Variants in ASAP1 observed in about 807,000 individuals in gnomAD.
ASAP1 encodes arf-GAP with SH3 domain, ANK repeat and PH domain-containing protein 1.
Under a neutral mutation model 145.2 loss-of-function variants are expected in ASAP1, and 43 were observed. The observed-to-expected ratio is 0.30, with a 90% CI of 0.23 to 0.38. The LOEUF is 0.38. Ranked by LOEUF, ASAP1 falls within the 10% of genes least tolerant of loss-of-function variation. ASAP1 has a pLI of 1.00. For missense variants in ASAP1, 1,018 were observed against 1,355.3 expected, an observed-to-expected ratio of 0.75 and a Z score of 3.91; for synonymous variants, 546 against 515.5, an observed-to-expected ratio of 1.06 and a Z score of -0.80.
intron 23 of ASAP1, among the ~76,000 whole-genome samples, chr8:130,113,964 T>C (rs1367329118): frequency 1.3e-5 from 2 of 152,016 alleles, no homozygotes; most frequent in Non-Finnish European, 2.9e-5. Flanking sequence ...GTATTTTTTG[T>C]AGAGAGAGGG....
chr8:130,265,570 CT>C, intron 3 of ASAP1, among the ~76,000 whole-genome samples: 2 of 124,804 alleles, frequency 1.6e-5, no homozygotes, highest in African/African-American at 3.1e-5. Flanking sequence ...GAAACCCTGT[CT>C]TTAAAAAAAA....
chr8:130,283,225 T>C (rs1821357493), intron 3 of ASAP1, among the ~76,000 whole-genome samples: 1 of 152,108 alleles, frequency 6.6e-6, no homozygotes, highest in South Asian at 2.1e-4. Context: ...GAGCATGGCA[T>C]CTGGACTTAG....
intron 2 of ASAP1, among the ~76,000 whole-genome samples, chr8:130,365,879 G>A (rs1016366796): frequency 6.6e-6 from 1 of 152,168 alleles, no homozygotes; most frequent in African/African-American, 2.4e-5. Flanking sequence ...GAGAAATGGA[G>A]AGATCCAGAA....
rs533131055 is a variant in ASAP1 at position 130,100,677 on chromosome 8, A to G, written c.2402-8534T>C. ...TCTGTTCAGATCCTTTGCCCATTTT[A>G]AAATCACATTATCATTATTATTTTG... On this transcript the variant is annotated intron_variant, in intron 24 of 29. Coordinates refer to ENST00000518721, the MANE Select transcript of ASAP1 (RefSeq NM_018482.4). Among the ~76,000 whole-genome samples the G allele has an allele frequency of 2.3e-3, 351 of 152,238 alleles. 1 individual carries two copies. Among genetic ancestry groups the G allele is most frequent in the African/African-American group, 8.3e-3 (345 of 41,534 alleles).
At chr8:130,196,968 G>A (rs761055936) in intron 5 of ASAP1, among the ~76,000 whole-genome samples, 8 of 152,312 alleles carry the variant, frequency 5.3e-5, no homozygotes, top group South Asian at 2.1e-4. Context: ...CTGATGCCTC[G>A]TCATTAGGCT....
chr8:130,281,798 G>A (rs1821264225), intron 3 of ASAP1, among the ~76,000 whole-genome samples: 1 of 152,188 alleles, frequency 6.6e-6, no homozygotes, highest in African/African-American at 2.4e-5. Context: ...TGGGCGCGGT[G>A]GCTCACGCCT....
chr8:130,403,292 G>GTT (rs992999127), intron 1 of ASAP1, among the ~76,000 whole-genome samples: 3 of 129,634 alleles, frequency 2.3e-5, no homozygotes, highest in Admixed American at 2.2e-4. Flanking sequence ...TTTAACAAGT[G>GTT]TTTTTTTTTA....
chr8:130,072,824 T>TGTGTGTGTGTGTGTGTGCGCGCGCGCGC lies in ASAP1; in HGVS notation c.2701+3523_2701+3524insGCGCGCGCGCGCACACACACACACACAC. Among the ~76,000 whole-genome samples the TGTGTGTGTGTGTGTGTGCGCGCGCGCGC allele has an allele frequency of 2.9e-3, 95 of 32,272 alleles. 1 individual carries two copies. The highest frequency in any genetic ancestry group is 5.1e-3 in the South Asian group (3 of 588). 21.2% of individuals were successfully genotyped at this position (32,272 alleles called of 152,430 possible). ...GTGTGTGTGTGTGTGTGTGTGTGTG[T>TGTGTGTGTGTGTGTGTGCGCGCGCGCGC]GCGCGCGGGGGGGGGCAGTTTTGGG... On this transcript the variant is annotated intron_variant, in intron 27 of 29. Coordinates refer to ENST00000518721, the MANE Select transcript of ASAP1 (RefSeq NM_018482.4).
intron 3 of ASAP1, among the ~76,000 whole-genome samples, chr8:130,273,744 T>C (rs554723898): frequency 2.4e-4 from 36 of 152,214 alleles, no homozygotes; most frequent in African/African-American, 8.7e-4. Context: ...TAGTTTCAAC[T>C]GGTCTGTGGT....
chr8:130,244,057 T>G (rs926522762), intron 3 of ASAP1, among the ~76,000 whole-genome samples: 1 of 152,148 alleles, frequency 6.6e-6, no homozygotes, highest in South Asian at 2.1e-4. Context: ...AAGACTTGTG[T>G]TAGTCACTGA....
At chr8:130,256,753 A>ATATATATATATATATAAT (rs1819561135) in intron 3 of ASAP1, among the ~76,000 whole-genome samples, 1 of 67,040 alleles carries the variant, frequency 1.5e-5, no homozygotes, top group African/African-American at 6.8e-5. Flanking sequence ...ATATATATAT[A>ATATATATATATATATAAT]TATATATATA....
chr8:130,226,504 C>T (rs560560236), intron 4 of ASAP1, among the ~76,000 whole-genome samples: 1 of 152,288 alleles, frequency 6.6e-6, no homozygotes, highest in East Asian at 1.9e-4. Context: ...TTTTTTAAAA[C>T]TGCTTTCCTC....
intron 27 of ASAP1, among the ~76,000 whole-genome samples, chr8:130,072,459 C>T (rs1592736041): frequency 6.6e-6 from 1 of 152,172 alleles, no homozygotes; most frequent in South Asian, 2.1e-4. Flanking sequence ...GTAAGACGTG[C>T]CTTTCGCCTT....
chr8:130,363,112 G>A (rs1391952661), intron 2 of ASAP1, among the ~76,000 whole-genome samples: 2 of 152,208 alleles, frequency 1.3e-5, no homozygotes, highest in Non-Finnish European at 2.9e-5. Context: ...CTATCTCAGT[G>A]TTCTGAGAAT....
rs367719682 is a variant in ASAP1 at position 130,373,111 on chromosome 8, T to TACACAC, written c.60-14974_60-14969dup. On this transcript the variant is annotated intron_variant, in intron 2 of 29. Coordinates refer to ENST00000518721, the MANE Select transcript of ASAP1 (RefSeq NM_018482.4). Reference sequence around the variant, plus strand: ...CCCCCCACACACACAGAAATACATATACACACACACACACACACACACACA... The same window carrying TACACAC: ...CCCCCCACACACACAGAAATACATATACACACACACACACACACACACACACACACA... Among the ~76,000 whole-genome samples the TACACAC allele has an allele frequency of 8.5e-5, 8 of 94,110 alleles. No individual in the cohort carries two copies. The East Asian group carries it at 1.8e-3, about 21-fold the overall frequency. The allele number at this position is 94,110 out of a possible 152,430, so 61.7% of individuals were successfully genotyped here.
At chr8:130,308,986 G>A (rs1273784837) in intron 3 of ASAP1, among the ~76,000 whole-genome samples, 1 of 152,170 alleles carries the variant, frequency 6.6e-6, no homozygotes, top group Admixed American at 6.5e-5. Context: ...GAGCCAGTTG[G>A]TATTTTAAAT....
intron 12 of ASAP1, among the ~76,000 whole-genome samples, chr8:130,158,345 A>G (rs1183296669): frequency 1.4e-5 from 2 of 138,466 alleles, no homozygotes; most frequent in East Asian, 4.2e-4. Flanking sequence ...CCCTGCTTAT[A>G]TTTAAAAAAA....
At chr8:130,254,824 T>C (rs1819411535) in intron 3 of ASAP1, among the ~76,000 whole-genome samples, 1 of 151,862 alleles carries the variant, frequency 6.6e-6, no homozygotes, top group South Asian at 2.1e-4. Context: ...TCTGAATGAG[T>C]TTTTCTTAAG....
chr8:130,340,133 G>C (rs548687076), intron 3 of ASAP1, among the ~76,000 whole-genome samples: 1 of 152,286 alleles, frequency 6.6e-6, no homozygotes, highest in East Asian at 1.9e-4. Context: ...CGGCACAGTG[G>C]GTTCTACGTG....
Sources: allele counts gnomAD v4.1 joint callset (sites outside exome capture counted in the v4.1 genomes callset), GRCh38; gene constraint gnomAD v4.1.1; transcripts MANE v1.5; gene names NCBI Gene and HGNC (gene_info 2026-07-23, HGNC 2026-07-21).